Variants in LINGO2 observed in about 807,000 individuals in gnomAD.
LINGO2 encodes leucine-rich repeat and immunoglobulin-like domain-containing nogo receptor-interacting protein 2.
In LINGO2, 14 loss-of-function variants were observed where a neutral mutation model predicts 30.6. That is an observed-to-expected ratio of 0.46 (90% CI 0.30 to 0.72). The LOEUF (loss-of-function observed/expected upper bound fraction) is 0.72. Among genes scored for constraint, LINGO2 ranks in the 30% least tolerant of loss-of-function variants. The probability of loss-of-function intolerance (pLI) is 0.07; values close to 1 mark genes in which losing one functional copy is unlikely to be tolerated. For missense variants in LINGO2, 729 were observed against 751.7 expected (o/e 0.97, Z 0.35); for synonymous variants, 317 against 288.5 (o/e 1.10, Z -1.00).
At chr9:28,097,441 T>C (rs1269336432) in intron 4 of LINGO2, among the ~76,000 whole-genome samples, 1 of 144,818 alleles carries the variant, frequency 6.9e-6, no homozygotes, top group East Asian at 2.0e-4. Context: ...AACCCAAATG[T>C]CCAACAATGA....
intron 5 of LINGO2, among the ~76,000 whole-genome samples, chr9:27,982,353 A>C (rs1420858283): frequency 6.6e-6 from 1 of 151,894 alleles, no homozygotes; most frequent in Non-Finnish European, 1.5e-5. Context: ...CTTCAGAAGT[A>C]AATCTGTGAG....
intron 1 of LINGO2, among the ~76,000 whole-genome samples, chr9:28,508,107 C>A (rs950270003): frequency 6.6e-6 from 1 of 151,966 alleles, no homozygotes; most frequent in African/African-American, 2.4e-5. Context: ...CTAAACTTGG[C>A]TTTCTTATGG....
the LINGO2 span, among the ~76,000 whole-genome samples, chr9:29,014,937 C>T: frequency 1.3e-5 from 2 of 151,986 alleles, no homozygotes; most frequent in African/African-American, 4.8e-5. Flanking sequence ...TAAAGGAGAC[C>T]CTTTCTAAGA....
chr9:28,404,148 A>T (rs1209101165), intron 2 of LINGO2, among the ~76,000 whole-genome samples: 1 of 152,126 alleles, frequency 6.6e-6, no homozygotes, highest in Non-Finnish European at 1.5e-5. Context: ...AAATATCTTT[A>T]AAAATATACC....
At chr9:28,429,825 A>T (rs929540289) in intron 2 of LINGO2, among the ~76,000 whole-genome samples, 1 of 152,198 alleles carries the variant, frequency 6.6e-6, no homozygotes, top group African/African-American at 2.4e-5. Context: ...GCATATAAAA[A>T]TTGAGAAGCA....
chr9:28,432,998 A>C (rs1038742239), intron 2 of LINGO2, among the ~76,000 whole-genome samples: 7 of 152,144 alleles, frequency 4.6e-5, no homozygotes, highest in African/African-American at 1.7e-4. Flanking sequence ...AAGAATATGC[A>C]TTAAAAAAAT....
intron 3 of LINGO2, among the ~76,000 whole-genome samples, chr9:28,302,149 T>C (rs1824172118): frequency 3.9e-5 from 6 of 152,158 alleles, no homozygotes; most frequent in Admixed American, 3.9e-4. Context: ...CCAGTGTCAC[T>C]ACAAAGCAGC....
At chr9:29,177,514 C>T in the LINGO2 span, among the ~76,000 whole-genome samples, 1 of 152,044 alleles carries the variant, frequency 6.6e-6, no homozygotes, top group African/African-American at 2.4e-5. Flanking sequence ...AAGAAGGCTC[C>T]CAAAATGTAC....
At chr9:28,964,094 A>ATG in the LINGO2 span, among the ~76,000 whole-genome samples, 1 of 151,594 alleles carries the variant, frequency 6.6e-6, no homozygotes, top group African/African-American at 2.4e-5. Flanking sequence ...ACATACATAT[A>ATG]TGTACACACA....
At chr9:28,935,298 A>G in the LINGO2 span, among the ~76,000 whole-genome samples, 1 of 151,996 alleles carries the variant, frequency 6.6e-6, no homozygotes, top group Non-Finnish European at 1.5e-5. Context: ...TAAAATTCTG[A>G]CTAGTGATCT....
the LINGO2 span, among the ~76,000 whole-genome samples, chr9:29,089,220 A>C: frequency 1.3e-5 from 2 of 151,540 alleles, no homozygotes; most frequent in Non-Finnish European, 2.9e-5. Flanking sequence ...TCATCAACAT[A>C]ATATTATTTA....
At chr9:28,994,405 G>T in the LINGO2 span, among the ~76,000 whole-genome samples, 1 of 151,988 alleles carries the variant, frequency 6.6e-6, no homozygotes, top group African/African-American at 2.4e-5. Flanking sequence ...CATGCTTATG[G>T]GTAGGAAGAA....
chr9:28,947,169 G>A, the LINGO2 span, among the ~76,000 whole-genome samples: 1 of 149,246 alleles, frequency 6.7e-6, no homozygotes, highest in Non-Finnish European at 1.5e-5. Flanking sequence ...CTATATATCT[G>A]TATCTACATC....
intron 1 of LINGO2, among the ~76,000 whole-genome samples, chr9:28,621,772 C>A (rs900582128): frequency 2.0e-5 from 3 of 151,820 alleles, no homozygotes; most frequent in Admixed American, 2.0e-4. Flanking sequence ...TTTTTTGTTT[C>A]CCAGTGCATA....
At chr9:28,989,404 GTTTACTA>G in the LINGO2 span, among the ~76,000 whole-genome samples, 37 of 152,304 alleles carry the variant, frequency 2.4e-4, no homozygotes, top group African/African-American at 8.2e-4. Context: ...TTTAAAATCT[GTTTACTA>G]TTTACATTCA....
At chr9:29,032,647 G>A in the LINGO2 span, among the ~76,000 whole-genome samples, 2 of 152,082 alleles carry the variant, frequency 1.3e-5, no homozygotes, top group Non-Finnish European at 2.9e-5. Flanking sequence ...TACATGAAAT[G>A]AGCATTTATA....
At chr9:28,983,829 C>A in the LINGO2 span, among the ~76,000 whole-genome samples, 1 of 151,838 alleles carries the variant, frequency 6.6e-6, no homozygotes, top group South Asian at 2.1e-4. Flanking sequence ...TTCAAGGGTA[C>A]CCTCCATTAT....
intron 1 of LINGO2, among the ~76,000 whole-genome samples, chr9:28,571,164 T>G (rs901967529): frequency 5.9e-5 from 9 of 152,082 alleles, no homozygotes; most frequent in African/African-American, 2.2e-4. Flanking sequence ...AAAAAATACT[T>G]TCATGGCTGC....
At chr9:28,729,270 C>A in the LINGO2 span, among the ~76,000 whole-genome samples, 2 of 152,104 alleles carry the variant, frequency 1.3e-5, no homozygotes, top group Non-Finnish European at 2.9e-5. Flanking sequence ...ACAAATAATT[C>A]ATTCAACAGT....
Sources: gnomAD v4.1 joint callset for allele counts (sites outside exome capture counted in the v4.1 genomes callset) on GRCh38, gnomAD v4.1.1 for gene constraint, MANE v1.5 for transcripts, NCBI Gene and HGNC (gene_info 2026-07-23, HGNC 2026-07-21) for gene names.